The following RAPGEF5 variants were observed in gnomAD, a reference collection of about 807,000 sequenced individuals.
RAPGEF5 encodes the protein M-Ras-regulated GEF.
RAPGEF5 carries 65 observed loss-of-function variants against 125.2 expected under a neutral mutation model. The observed-to-expected ratio is 0.52, with a 90% CI of 0.43 to 0.64. RAPGEF5 has a LOEUF of 0.64. Ranked by LOEUF, RAPGEF5 falls within the 30% of genes least tolerant of loss-of-function variation. RAPGEF5 has a pLI of 0.00. For missense variants in RAPGEF5, 958 were observed against 1,048.1 expected (o/e 0.91, Z 1.19); for synonymous variants, 391 against 385.9 (o/e 1.01, Z -0.16).
intron 1 of RAPGEF5, among the ~76,000 whole-genome samples, chr7:22,331,744 CAAAAAA>C (rs11406166): frequency 3.0e-4 from 28 of 94,894 alleles, no homozygotes; most frequent in African/African-American, 7.7e-4. Flanking sequence ...GACTCCATCT[CAAAAAA>C]AAAAAAAAAA....
intron 16 of RAPGEF5, among the ~76,000 whole-genome samples, chr7:22,155,129 T>C (rs1467135090): frequency 1.3e-5 from 2 of 152,256 alleles, no homozygotes; most frequent in Non-Finnish European, 2.9e-5. Flanking sequence ...AAATCTGTCA[T>C]CTGCCTTGGT....
intron 7 of RAPGEF5, among the ~76,000 whole-genome samples, chr7:22,259,167 A>T (rs1268409787): frequency 6.6e-6 from 1 of 151,984 alleles, no homozygotes; most frequent in East Asian, 1.9e-4. Flanking sequence ...CAATAAGAAA[A>T]CATACCAATT....
chr7:22,135,952 G>T (rs898158494), intron 23 of RAPGEF5, 86 bp downstream of exon 23: 2 of 1,015,372 alleles, frequency 2.0e-6, no homozygotes, highest in Non-Finnish European at 2.9e-6. Flanking sequence ...GAGACAAAAT[G>T]AGAGTCCCTT....
chr7:22,139,721 G>A (rs1356999629), intron 21 of RAPGEF5: 1 of 241,484 alleles, frequency 4.1e-6, no homozygotes, highest in Non-Finnish European at 8.2e-6. Context: ...TAGCATCACA[G>A]CAAACGCACT....
intron 9 of RAPGEF5, among the ~76,000 whole-genome samples, chr7:22,219,303 C>T (rs1455352156): frequency 1.3e-5 from 2 of 151,936 alleles, no homozygotes; most frequent in African/African-American, 2.4e-5. Flanking sequence ...CGTCCCTTTC[C>T]TCCAGCTTTA....
At chr7:22,353,317 A>G (rs771864520) in intron 1 of RAPGEF5, among the ~76,000 whole-genome samples, 3 of 152,260 alleles carry the variant, frequency 2.0e-5, no homozygotes, top group Non-Finnish European at 2.9e-5. Context: ...CCTGTTTCCA[A>G]CAATCATAAG....
At chr7:22,227,236 A>G (rs1490840053) in intron 8 of RAPGEF5, among the ~76,000 whole-genome samples, 3 of 152,008 alleles carry the variant, frequency 2.0e-5, no homozygotes, top group Non-Finnish European at 4.4e-5. Flanking sequence ...AAAAATTAAA[A>G]AGTTAAAAAA....
intron 8 of RAPGEF5, 197 bp from the exon 9 acceptor site, chr7:22,220,188 G>A (rs935297323): frequency 1.6e-6 from 1 of 628,688 alleles, no homozygotes. Flanking sequence ...AAGACTTAAA[G>A]TTGAGTCTGC....
intron 16 of RAPGEF5, among the ~76,000 whole-genome samples, chr7:22,155,513 G>A (rs1317075194): frequency 6.6e-6 from 1 of 152,120 alleles, no homozygotes; most frequent in Non-Finnish European, 1.5e-5. Context: ...AGCTTCTGGA[G>A]AAATTTTATA....
intron 11 of RAPGEF5, among the ~76,000 whole-genome samples, chr7:22,183,379 T>C (rs1343240108): frequency 6.6e-6 from 1 of 150,774 alleles, no homozygotes; most frequent in Non-Finnish European, 1.5e-5. Context: ...TTATGGCAAC[T>C]CTCAGTGGAG....
At chr7:22,230,275 C>A (rs879520266) in intron 8 of RAPGEF5, among the ~76,000 whole-genome samples, 1 of 152,154 alleles carries the variant, frequency 6.6e-6, no homozygotes, top group Non-Finnish European at 1.5e-5. Context: ...ACTGTCCATG[C>A]AATCTTTATT....
intron 7 of RAPGEF5, among the ~76,000 whole-genome samples, chr7:22,243,037 C>T (rs1312676956): frequency 6.6e-6 from 1 of 151,464 alleles, no homozygotes. Flanking sequence ...CAGTGGGTAG[C>T]AACTTGTAAG....
intron 1 of RAPGEF5, among the ~76,000 whole-genome samples, chr7:22,339,799 C>T (rs1340958127): frequency 6.6e-6 from 1 of 152,184 alleles, no homozygotes; most frequent in Non-Finnish European, 1.5e-5. Flanking sequence ...TCACTTCTCA[C>T]CTGAGCAATA....
At chr7:22,308,735 C>T (rs1447505786) in intron 4 of RAPGEF5, among the ~76,000 whole-genome samples, 3 of 152,128 alleles carry the variant, frequency 2.0e-5, no homozygotes, top group Admixed American at 2.0e-4. Flanking sequence ...CACATGTATT[C>T]ATATTTTTTC....
intron 4 of RAPGEF5, among the ~76,000 whole-genome samples, chr7:22,309,544 A>G (rs1431828838): frequency 1.3e-5 from 2 of 152,234 alleles, no homozygotes; most frequent in Non-Finnish European, 2.9e-5. Context: ...CATAGGTCAT[A>G]TATCAAAGTG....
At chr7:22,300,493 C>CA (rs1218726392) in intron 5 of RAPGEF5, among the ~76,000 whole-genome samples, 2 of 152,086 alleles carry the variant, frequency 1.3e-5, no homozygotes, top group East Asian at 3.8e-4. Flanking sequence ...TATTTTGTGT[C>CA]AAGTAATTCT....
chr7:22,276,161 CG>C (rs1782550433), intron 6 of RAPGEF5, among the ~76,000 whole-genome samples: 1 of 151,932 alleles, frequency 6.6e-6, no homozygotes, highest in Admixed American at 6.6e-5. Context: ...TAAAATAAAA[CG>C]TTATGTTTAC....
chr7:22,147,035 C>A lies in RAPGEF5; in HGVS notation c.1885-16G>T. 1 of 1,607,208 alleles carries A rather than the reference C, an allele frequency of 6.2e-7. No individual in the cohort carries two copies. The highest frequency in any genetic ancestry group is 1.1e-5 in the South Asian group (1 of 89,498). Reference sequence around the variant, plus strand: ...CAAATGGGTTCTAAACCAACAGAAGCAAAAAGATCCTCAGTAATTCCCAAA... The same window carrying A: ...CAAATGGGTTCTAAACCAACAGAAGAAAAAAGATCCTCAGTAATTCCCAAA... On this transcript the variant is annotated splice_polypyrimidine_tract_variant and intron_variant, in intron 18 of 25. Coordinates refer to ENST00000665637, the MANE Select transcript of RAPGEF5 (RefSeq NM_012294.5).
At chr7:22,210,064 T>C (rs1245095588) in intron 9 of RAPGEF5, among the ~76,000 whole-genome samples, 1 of 152,186 alleles carries the variant, frequency 6.6e-6, no homozygotes, top group Non-Finnish European at 1.5e-5. Flanking sequence ...GTGCCAGTTT[T>C]AGAAATAAAG....
Sources: allele counts gnomAD v4.1 joint callset (sites outside exome capture counted in the v4.1 genomes callset), GRCh38; gene constraint gnomAD v4.1.1; transcripts MANE v1.5; gene names NCBI Gene and HGNC (gene_info 2026-07-23, HGNC 2026-07-21).